The following COLGALT2 variants were observed in gnomAD, a reference collection of about 807,000 sequenced individuals.
COLGALT2 encodes procollagen galactosyltransferase 2.
Under a neutral mutation model 73.4 loss-of-function variants are expected in COLGALT2, and 49 were observed. That is an observed-to-expected ratio of 0.67 (90% CI 0.53 to 0.85). COLGALT2 has a LOEUF of 0.85. COLGALT2 is among the 40% of genes least tolerant of loss of function. The pLI, the probability that COLGALT2 is intolerant of heterozygous loss-of-function variation, is 0.00. For missense variants in COLGALT2, 722 were observed against 790.2 expected, an observed-to-expected ratio of 0.91 and a Z score of 1.03; for synonymous variants, 295 against 307.6, an observed-to-expected ratio of 0.96 and a Z score of 0.43.
At chr1:184,021,844 A>G (rs1649191578) in intron 1 of COLGALT2, among the ~76,000 whole-genome samples, 1 of 152,246 alleles carries the variant, frequency 6.6e-6, no homozygotes, top group African/African-American at 2.4e-5. Flanking sequence ...AAGTGCAGAC[A>G]AAGCTGGGAG....
intron 6 of COLGALT2, 77 bp downstream of exon 6, chr1:183,963,824 G>A (rs1160491341): frequency 1.8e-5 from 25 of 1,368,004 alleles, no homozygotes; most frequent in Non-Finnish European, 2.3e-5. Flanking sequence ...TCCAATCCTG[G>A]AAGAGGAGGG....
chr1:184,020,106 T>G (rs907308721), intron 1 of COLGALT2, among the ~76,000 whole-genome samples: 1 of 152,194 alleles, frequency 6.6e-6, no homozygotes, highest in Non-Finnish European at 1.5e-5. Flanking sequence ...TTTTGTTATT[T>G]TCAAATAAAG....
At chr1:183,949,716 C>G (rs1670345656) in intron 8 of COLGALT2, among the ~76,000 whole-genome samples, 1 of 152,058 alleles carries the variant, frequency 6.6e-6, no homozygotes, top group African/African-American at 2.4e-5. Flanking sequence ...GCAACAAGAA[C>G]AAAAAATAAA....
At chr1:184,013,750 G>A (rs1034175366) in intron 1 of COLGALT2, among the ~76,000 whole-genome samples, 1 of 152,030 alleles carries the variant, frequency 6.6e-6, no homozygotes, top group Non-Finnish European at 1.5e-5. Flanking sequence ...TGGTGGGAGG[G>A]GGGGTAAAAC....
chr1:183,955,944 C>G (rs959518196), intron 6 of COLGALT2, among the ~76,000 whole-genome samples: 1 of 152,174 alleles, frequency 6.6e-6, no homozygotes, highest in African/African-American at 2.4e-5. Flanking sequence ...TGCTGCTCCA[C>G]TCTCCAAGGG....
intron 9 of COLGALT2, 27 bp from the exon 10 acceptor site, chr1:183,944,350 C>T: frequency 6.3e-7 from 1 of 1,592,258 alleles, no homozygotes; most frequent in Non-Finnish European, 8.5e-7. Context: ...TAGGAAGATA[C>T]CCTATGAAAA....
intron 1 of COLGALT2, among the ~76,000 whole-genome samples, chr1:183,988,838 A>G (rs1298456963): frequency 6.6e-6 from 1 of 152,202 alleles, no homozygotes; most frequent in Admixed American, 6.5e-5. Flanking sequence ...GGTTTCATTT[A>G]CCCTGAGTAC....
chr1:183,966,331 G>A (rs1670870491), intron 5 of COLGALT2, among the ~76,000 whole-genome samples: 1 of 152,136 alleles, frequency 6.6e-6, no homozygotes, highest in African/African-American at 2.4e-5. Flanking sequence ...CATTTTGAAG[G>A]ACTGTTTTTC....
intron 1 of COLGALT2, among the ~76,000 whole-genome samples, chr1:184,002,798 G>T (rs1426039529): frequency 6.6e-6 from 1 of 152,068 alleles, no homozygotes; most frequent in African/African-American, 2.4e-5. Flanking sequence ...TAATCTTGAT[G>T]CAAAAGACTG....
chr1:183,973,836 A>T, intron 3 of COLGALT2, 86 bp from the exon 4 acceptor site: 1 of 1,310,842 alleles, frequency 7.6e-7, no homozygotes, highest in Non-Finnish European at 1.1e-6. Context: ...GAAGGATCCC[A>T]GAAACTTGCT....
At chr1:184,008,560 C>T (rs10911488) in intron 1 of COLGALT2, among the ~76,000 whole-genome samples, 29,429 of 151,888 alleles carry the variant, frequency 0.19, 5,128 homozygotes, top group African/African-American at 0.47. Context: ...GAGAACCCCA[C>T]CTCCACAAGT....
At chr1:184,002,757 A>G (rs1671966286) in intron 1 of COLGALT2, among the ~76,000 whole-genome samples, 1 of 152,122 alleles carries the variant, frequency 6.6e-6, no homozygotes, top group Non-Finnish European at 1.5e-5. Context: ...TGCCATTGTT[A>G]TTTTGGATTT....
At chr1:183,985,880 C>T (rs956718275) in intron 1 of COLGALT2, among the ~76,000 whole-genome samples, 4 of 152,196 alleles carry the variant, frequency 2.6e-5, no homozygotes, top group Admixed American at 2.6e-4. Context: ...TTCGAGACTT[C>T]AAACACTGAA....
chr1:184,010,857 A>G (rs1218875951), intron 1 of COLGALT2, among the ~76,000 whole-genome samples: 1 of 152,170 alleles, frequency 6.6e-6, no homozygotes, highest in Non-Finnish European at 1.5e-5. Context: ...TCCTGTCCAG[A>G]TTTTGGGCTG....
exon 12 of COLGALT2, chr1:183,930,115 C>T: frequency 2.3e-6 from 1 of 432,054 alleles, no homozygotes; most frequent in Non-Finnish European, 4.7e-6. Context: ...AGTCCCCGGG[C>T]CCGATGTGAG....
At chr1:183,990,530 G>T (rs932612999) in intron 1 of COLGALT2, among the ~76,000 whole-genome samples, 1 of 152,208 alleles carries the variant, frequency 6.6e-6, no homozygotes, top group Non-Finnish European at 1.5e-5. Flanking sequence ...CATTGTTGAC[G>T]ATGGATATAT....
At chr1:183,949,563 T>C (rs1450727562) in intron 8 of COLGALT2, among the ~76,000 whole-genome samples, 1 of 152,184 alleles carries the variant, frequency 6.6e-6, no homozygotes, top group Non-Finnish European at 1.5e-5. Flanking sequence ...CCTCATGCCA[T>C]ATACAAAAAT....
chr1:183,964,898 A>T (rs902593070), intron 5 of COLGALT2, among the ~76,000 whole-genome samples: 1 of 152,202 alleles, frequency 6.6e-6, no homozygotes, highest in African/African-American at 2.4e-5. Context: ...CCATGTATCC[A>T]AGCCTGTGAT....
Position 183,937,402 on chromosome 1 carries a change from C to T in COLGALT2, c.*1359G>A. 1 of 991,794 alleles carries T rather than the reference C, an allele frequency of 1.0e-6. No individual in the cohort carries two copies. The highest frequency in any genetic ancestry group is 1.2e-6 in the Non-Finnish European group (1 of 834,362). 61.4% of individuals were successfully genotyped at this position (991,794 alleles called of 1,614,324 possible). On this transcript the variant is annotated 3_prime_UTR_variant, in exon 12 of 12. Coordinates refer to ENST00000361927, the MANE Select transcript of COLGALT2 (RefSeq NM_015101.4). Reference sequence around the variant, plus strand: ...AGTGGGAAGAAATCGTGTAGTCCAACTCTGCATTTTACATAAAATCAATCT... The same window carrying T: ...AGTGGGAAGAAATCGTGTAGTCCAATTCTGCATTTTACATAAAATCAATCT...
Sources: gnomAD v4.1 joint callset for allele counts (sites outside exome capture counted in the v4.1 genomes callset) on GRCh38, gnomAD v4.1.1 for gene constraint, MANE v1.5 for transcripts, NCBI Gene and HGNC (gene_info 2026-07-23, HGNC 2026-07-21) for gene names.